ITGA9: variants seen among roughly 807,000 people sequenced by gnomAD.
The protein encoded by ITGA9 is integrin subunit alpha 9, also known as integrin alpha-9.
A neutral mutation model predicts 127.8 loss-of-function variants in ITGA9; 56 were observed. The observed-to-expected ratio is 0.44, with a 90% confidence interval of 0.35 to 0.55. The LOEUF (loss-of-function observed/expected upper bound fraction) is 0.55, where lower values mean the gene tolerates loss of function less well. Ranked by LOEUF, ITGA9 falls within the 20% of genes least tolerant of loss-of-function variation. The probability of loss-of-function intolerance (pLI) is 0.00; values close to 1 mark genes in which losing one functional copy is unlikely to be tolerated. For missense variants in ITGA9, 1,196 were observed against 1,347.1 expected, an observed-to-expected ratio of 0.89 and a Z score of 1.76; for synonymous variants, 508 against 514.5, an observed-to-expected ratio of 0.99 and a Z score of 0.17.
At chr3:37,644,345 A>G (rs577704335) in intron 16 of ITGA9, among the ~76,000 whole-genome samples, 2 of 152,286 alleles carry the variant, frequency 1.3e-5, no homozygotes, top group South Asian at 4.1e-4. Flanking sequence ...ACACAGAAAG[A>G]CAAATACCAC....
chr3:37,550,789 T>C (rs1032977550), intron 15 of ITGA9, among the ~76,000 whole-genome samples: 4 of 152,254 alleles, frequency 2.6e-5, no homozygotes, highest in African/African-American at 9.6e-5. Flanking sequence ...ATAAACTTTC[T>C]GAAAATTTAA....
At chr3:37,614,614 A>G (rs1262205360) in intron 15 of ITGA9, among the ~76,000 whole-genome samples, 10 of 152,090 alleles carry the variant, frequency 6.6e-5, no homozygotes, top group Non-Finnish European at 1.0e-4. Flanking sequence ...ATGTTCTTCC[A>G]TTTGTTTGTA....
chr3:37,759,830 G>A (rs1162393915), intron 23 of ITGA9, among the ~76,000 whole-genome samples: 3 of 149,804 alleles, frequency 2.0e-5, no homozygotes, highest in East Asian at 2.0e-4. Flanking sequence ...GCTTGAACCC[G>A]GGAAGCAGAG....
intron 18 of ITGA9, among the ~76,000 whole-genome samples, chr3:37,705,569 C>T (rs1056779198): frequency 6.6e-6 from 1 of 152,194 alleles, no homozygotes; most frequent in Non-Finnish European, 1.5e-5. Flanking sequence ...TGTGGGAGAG[C>T]TCTGAGGCCC....
At chr3:37,790,392 T>C (rs2125556442) in intron 26 of ITGA9, 1 of 482,418 alleles carries the variant, frequency 2.1e-6, no homozygotes, top group Non-Finnish European at 4.2e-6. Flanking sequence ...TTTCCCATTC[T>C]GCTCGGTTCT....
chr3:37,773,876 G>A (rs1696873438), intron 23 of ITGA9, among the ~76,000 whole-genome samples: 1 of 152,120 alleles, frequency 6.6e-6, no homozygotes, highest in Admixed American at 6.5e-5. Context: ...TAATCATGTG[G>A]TTGAATGCTT....
intron 14 of ITGA9, among the ~76,000 whole-genome samples, chr3:37,540,462 C>T (rs936586163): frequency 6.6e-6 from 1 of 152,228 alleles, no homozygotes; most frequent in Non-Finnish European, 1.5e-5. Context: ...TTGTAGATCT[C>T]TGCACTTGTT....
At chr3:37,483,882 C>G (rs1484769838) in intron 4 of ITGA9, among the ~76,000 whole-genome samples, 1 of 152,188 alleles carries the variant, frequency 6.6e-6, no homozygotes, top group Non-Finnish European at 1.5e-5. Context: ...AATGGTGGAG[C>G]AGGATTTTGA....
chr3:37,717,002 T>A (rs896532399), intron 18 of ITGA9, among the ~76,000 whole-genome samples: 8 of 152,250 alleles, frequency 5.3e-5, no homozygotes, highest in African/African-American at 1.9e-4. Flanking sequence ...CGGGCTTTTC[T>A]TTGATGTGTG....
rs530165255 is a variant in ITGA9, at chr3:37,498,271, T to C, written c.612+3703T>C. Among the ~76,000 whole-genome samples the C allele has an allele frequency of 5.3e-5, 8 of 152,274 alleles. No individual in the cohort carries two copies. The East Asian group carries it at 1.5e-3, about 29-fold the overall frequency. On this transcript the variant is annotated intron_variant, in intron 5 of 27. Transcript: ENST00000264741. ...GATTTGGCCCTTGCTCATGACTCTC[T>C]TAGGGGATGAGTGTGCTTAGTGTAG...
intron 1 of ITGA9, among the ~76,000 whole-genome samples, chr3:37,469,039 C>T (rs1459701019): frequency 6.6e-6 from 1 of 152,224 alleles, no homozygotes; most frequent in African/African-American, 2.4e-5. Context: ...CTGTTGACTG[C>T]TTTCCGGAAA....
chr3:37,538,392 C>T (rs1340393203), intron 14 of ITGA9, among the ~76,000 whole-genome samples: 2 of 152,212 alleles, frequency 1.3e-5, no homozygotes, highest in Non-Finnish European at 2.9e-5. Context: ...AAGTATTACT[C>T]GGGGCTGATC....
intron 11 of ITGA9, among the ~76,000 whole-genome samples, chr3:37,522,974 T>C (rs893700518): frequency 6.6e-6 from 1 of 152,164 alleles, no homozygotes; most frequent in African/African-American, 2.4e-5. Flanking sequence ...CCAGAATCTA[T>C]AGATCATCTG....
intron 27 of ITGA9, among the ~76,000 whole-genome samples, chr3:37,815,912 A>G (rs1300386562): frequency 5.9e-5 from 9 of 152,042 alleles, no homozygotes; most frequent in Admixed American, 5.2e-4. Flanking sequence ...CTAGTCTGGG[A>G]GGGCTTCAAA....
intron 18 of ITGA9, among the ~76,000 whole-genome samples, chr3:37,710,988 C>T (rs751845189): frequency 5.3e-5 from 8 of 152,250 alleles, no homozygotes; most frequent in Non-Finnish European, 1.2e-4. Flanking sequence ...GATTAGCCCT[C>T]ATAGTGGGTT....
chr3:37,554,455 T>G (rs1320821274), intron 15 of ITGA9, among the ~76,000 whole-genome samples: 1 of 151,882 alleles, frequency 6.6e-6, no homozygotes, highest in African/African-American at 2.4e-5. Context: ...AGGATTTGCC[T>G]TTACTCAGAG....
chr3:37,771,935 T>C (rs1696848956), intron 23 of ITGA9, among the ~76,000 whole-genome samples: 1 of 152,106 alleles, frequency 6.6e-6, no homozygotes. Context: ...CCTCTGTGAC[T>C]CCTGCCCCAG....
At chr3:37,548,888 T>C (rs907808042) in intron 15 of ITGA9, among the ~76,000 whole-genome samples, 24 of 152,232 alleles carry the variant, frequency 1.6e-4, no homozygotes, top group Non-Finnish European at 3.2e-4. Flanking sequence ...GTAGCATAGA[T>C]GGCCTGAATG....
chr3:37,501,081 C>G (rs1214705062), intron 5 of ITGA9, among the ~76,000 whole-genome samples: 1 of 151,988 alleles, frequency 6.6e-6, no homozygotes, highest in African/African-American at 2.4e-5. Context: ...CTAGTGTGAA[C>G]TCTGAGATAT....
Sources: gnomAD v4.1 joint callset for allele counts (sites outside exome capture counted in the v4.1 genomes callset) on GRCh38, gnomAD v4.1.1 for gene constraint, MANE v1.5 for transcripts, NCBI Gene and HGNC (gene_info 2026-07-23, HGNC 2026-07-21) for gene names.